ERAP1: variants seen among roughly 807,000 people sequenced by gnomAD.
ERAP1 encodes the protein adipocyte-derived leucine aminopeptidase.
Under a neutral mutation model 103.7 loss-of-function variants are expected in ERAP1, and 86 were observed. That is an observed-to-expected ratio of 0.83 (90% CI 0.70 to 0.99). The LOEUF is 0.99. ERAP1 is among the 50% of genes least tolerant of loss of function. ERAP1 has a pLI of 0.00. For missense variants in ERAP1, 1,009 were observed against 1,128.4 expected (o/e 0.89, Z 1.52); for synonymous variants, 398 against 402.4 (o/e 0.99, Z 0.13).
At chr5:96,913,276 A>T in the ERAP1 span, 1 of 1,552,346 alleles carries the variant, frequency 6.4e-7, no homozygotes, top group Non-Finnish European at 8.9e-7. Context: ...CCATGTACAT[A>T]ATACCTACTA....
the ERAP1 span, among the ~76,000 whole-genome samples, chr5:96,853,302 T>C: frequency 1.3e-5 from 2 of 152,108 alleles, no homozygotes; most frequent in African/African-American, 4.8e-5. Context: ...TCTGCCCCAG[T>C]TTGAAGCAAC....
At chr5:96,898,783 C>A in the ERAP1 span, among the ~76,000 whole-genome samples, 1 of 151,802 alleles carries the variant, frequency 6.6e-6, no homozygotes, top group Non-Finnish European at 1.5e-5. Flanking sequence ...TATAAAGATG[C>A]TCTTTACTAT....
chr5:96,881,670 G>A, the ERAP1 span, among the ~76,000 whole-genome samples: 4 of 152,072 alleles, frequency 2.6e-5, no homozygotes, highest in Non-Finnish European at 4.4e-5. Context: ...GGCTCCTTCT[G>A]TCTTTCTGCT....
chr5:96,893,320 T>A, the ERAP1 span, among the ~76,000 whole-genome samples: 3 of 152,292 alleles, frequency 2.0e-5, no homozygotes, highest in East Asian at 3.9e-4. Flanking sequence ...TCTGGTAAAA[T>A]CTCTTATTTA....
At chr5:96,901,089 T>C in the ERAP1 span, among the ~76,000 whole-genome samples, 2 of 152,242 alleles carry the variant, frequency 1.3e-5, no homozygotes, top group South Asian at 2.1e-4. Context: ...AATTGTTCTG[T>C]TGAAATATTT....
chr5:96,763,040 G>GGATT, exon 20 of ERAP1: 2 of 735,854 alleles, frequency 2.7e-6, no homozygotes, highest in South Asian at 2.8e-5. Flanking sequence ...AATTATAAAG[G>GGATT]GATTGCCCTA....
At chr5:96,856,923 C>T in the ERAP1 span, among the ~76,000 whole-genome samples, 3 of 152,058 alleles carry the variant, frequency 2.0e-5, no homozygotes, top group Non-Finnish European at 4.4e-5. Context: ...CCCTTCTTCT[C>T]TTCTCCAGAT....
chr5:96,777,750 C>T (rs1276876831), intron 18 of ERAP1, among the ~76,000 whole-genome samples: 1 of 152,164 alleles, frequency 6.6e-6, no homozygotes, highest in Middle Eastern at 3.2e-3. Context: ...CCTAAAGGAG[C>T]TCATCATGAT....
chr5:96,925,830 C>G, the ERAP1 span, among the ~76,000 whole-genome samples: 2 of 150,044 alleles, frequency 1.3e-5, no homozygotes, highest in African/African-American at 2.5e-5. Context: ...AAATCTGTAC[C>G]TTTTTAAATA....
At chr5:96,898,770 A>G in the ERAP1 span, among the ~76,000 whole-genome samples, 19 of 151,942 alleles carry the variant, frequency 1.3e-4, no homozygotes, top group Admixed American at 9.2e-4. Flanking sequence ...CAAACAAAAA[A>G]CATATAAAGA....
the ERAP1 span, among the ~76,000 whole-genome samples, chr5:96,862,949 G>A: frequency 2.6e-5 from 4 of 152,056 alleles, no homozygotes; most frequent in Admixed American, 1.3e-4. Flanking sequence ...GAGCTACCTC[G>A]TTTACCCTCA....
At chr5:96,867,504 G>A in the ERAP1 span, among the ~76,000 whole-genome samples, 13 of 152,264 alleles carry the variant, frequency 8.5e-5, no homozygotes, top group African/African-American at 2.4e-4. Context: ...GAAGGGTGGC[G>A]TTGGGATGAT....
rs1037497660 is a variant in ERAP1, at chr5:96,775,430, A to C, written c.*966T>G. ...GTAAAGTAGGCCAAATAAGAAGCAG[A>C]GAGAGAAAAAAAATCACCTCCCTAA... On this transcript the variant is annotated 3_prime_UTR_variant, in exon 19 of 19. Coordinates refer to ENST00000443439, the MANE Select transcript of ERAP1 (RefSeq NM_001040458.3). The C allele has an allele frequency of 5.1e-6, 5 of 985,588 alleles. No homozygotes were observed. Among genetic ancestry groups the C allele is most frequent in the Non-Finnish European group, 6.0e-6 (5 of 829,932 alleles). 61.1% of individuals were successfully genotyped at this position (985,588 alleles called of 1,614,324 possible).
At chr5:96,873,536 AG>A in the ERAP1 span, 1 of 454,516 alleles carries the variant, frequency 2.2e-6, no homozygotes, top group Non-Finnish European at 4.4e-6. Context: ...TGGTTTACAC[AG>A]GGGACACTCT....
the ERAP1 span, among the ~76,000 whole-genome samples, chr5:96,913,145 A>AATAACAT: frequency 4.9e-4 from 75 of 152,244 alleles, no homozygotes; most frequent in Admixed American, 4.9e-3. Context: ...ATAGGAACAA[A>AATAACAT]ATAAAAATTA....
the ERAP1 span, chr5:96,917,385 T>TGGGGGGG: frequency 7.0e-7 from 1 of 1,435,994 alleles, no homozygotes; most frequent in Non-Finnish European, 9.5e-7. Flanking sequence ...CCTCCCGAAG[T>TGGGGGGG]GCTGGGATTA....
At chr5:96,920,386 C>T in the ERAP1 span, among the ~76,000 whole-genome samples, 1 of 151,980 alleles carries the variant, frequency 6.6e-6, no homozygotes, top group Non-Finnish European at 1.5e-5. Context: ...GCTCTTCATT[C>T]CTTGTTATGA....
the ERAP1 span, among the ~76,000 whole-genome samples, chr5:96,878,864 G>A: frequency 6.6e-6 from 1 of 152,172 alleles, no homozygotes; most frequent in Non-Finnish European, 1.5e-5. Context: ...AGAGGCAGAG[G>A]TTGCAGTGAG....
chr5:96,773,116 T>G (rs1446992434), downstream of ERAP1: 2 of 153,880 alleles, frequency 1.3e-5, no homozygotes, highest in African/African-American at 4.8e-5. Flanking sequence ...GTATTTGATG[T>G]TGCTTTGGGA....
Sources: allele counts gnomAD v4.1 joint callset (sites outside exome capture counted in the v4.1 genomes callset), GRCh38; gene constraint gnomAD v4.1.1; transcripts MANE v1.5; gene names NCBI Gene and HGNC (gene_info 2026-07-23, HGNC 2026-07-21).